CUBN: variants seen among roughly 807,000 people sequenced by gnomAD.
The protein encoded by CUBN is 460 kDa receptor.
A neutral mutation model predicts 405.3 loss-of-function variants in CUBN; 282 were observed. That is an observed-to-expected ratio of 0.70 (90% CI 0.63 to 0.77). The LOEUF (loss-of-function observed/expected upper bound fraction) is 0.77, where lower values mean the gene tolerates loss of function less well. CUBN is among the 30% of genes least tolerant of loss of function. The pLI, the probability that CUBN is intolerant of heterozygous loss-of-function variation, is 0.00. For synonymous variants in CUBN, 1,684 were observed against 1,617.0 expected (o/e 1.04, Z -0.99); for missense variants, 4,514 against 4,475.2 (o/e 1.01, Z -0.25).
intron 14 of CUBN, among the ~76,000 whole-genome samples, chr10:17,091,977 C>T (rs886085424): frequency 2.6e-5 from 4 of 152,182 alleles, no homozygotes; most frequent in Non-Finnish European, 5.9e-5. Context: ...TTTCACTTTA[C>T]TGTATGGACT....
At chr10:17,048,171 T>C (rs1288888522) in intron 22 of CUBN, among the ~76,000 whole-genome samples, 1 of 152,232 alleles carries the variant, frequency 6.6e-6, no homozygotes, top group African/African-American at 2.4e-5. Flanking sequence ...ATGAAGAGGA[T>C]TGCTACCTTT....
Position 17,075,073 on chromosome 10 carries a change from C to CTTTT in CUBN, c.2302-3106_2302-3103dup, listed in dbSNP as rs957929670. ...TAAAGAGAAGATTTTTCTTTGTTTTCTTTTTTTTTTTTTTTTTTTTTTTTT... is the reference window on the plus strand; with the variant it reads ...TAAAGAGAAGATTTTTCTTTGTTTTCTTTTTTTTTTTTTTTTTTTTTTTTTTTTT... On this transcript the variant is annotated intron_variant, in intron 17 of 66. Coordinates refer to ENST00000377833, the MANE Select transcript of CUBN (RefSeq NM_001081.4). 8.4e-4 allele frequency among the ~76,000 whole-genome samples: 55 copies of CTTTT among 65,328 alleles called. 4 individuals are homozygous for CTTTT. The highest frequency in any genetic ancestry group is 2.7e-3 in the African/African-American group (43 of 15,716). 42.9% of individuals were successfully genotyped at this position (65,328 alleles called of 152,430 possible).
At chr10:16,863,987 C>T (rs1461959077) in intron 59 of CUBN, among the ~76,000 whole-genome samples, 1 of 152,132 alleles carries the variant, frequency 6.6e-6, no homozygotes, top group African/African-American at 2.4e-5. Context: ...ATTCAATTTA[C>T]CTCCCTGTGT....
chr10:16,902,460 A>C (rs1475652665), intron 51 of CUBN, among the ~76,000 whole-genome samples: 1 of 150,940 alleles, frequency 6.6e-6, no homozygotes, highest in Non-Finnish European at 1.5e-5. Flanking sequence ...TTAGCATAGA[A>C]AATTGAAAAT....
intron 22 of CUBN, 38 bp from the exon 23 acceptor site, chr10:17,047,641 A>C: frequency 6.4e-7 from 1 of 1,557,122 alleles, no homozygotes; most frequent in Non-Finnish European, 8.9e-7. Context: ...GAAAATAGAA[A>C]ATATTGATAT....
chr10:16,942,945 G>A (rs2131612156), intron 36 of CUBN, among the ~76,000 whole-genome samples: 1 of 152,256 alleles, frequency 6.6e-6, no homozygotes, highest in East Asian at 1.9e-4. Context: ...TCTCTGTCAT[G>A]TGTATCTTTC....
chr10:17,101,110 C>T (rs547372729), intron 13 of CUBN, among the ~76,000 whole-genome samples: 48 of 152,162 alleles, frequency 3.2e-4, no homozygotes, highest in Middle Eastern at 6.8e-3. Context: ...TTTTTAAATT[C>T]TGTGCTAGGG....
At chr10:16,886,914 G>T (rs550201000) in intron 56 of CUBN, among the ~76,000 whole-genome samples, 1 of 152,056 alleles carries the variant, frequency 6.6e-6, no homozygotes, top group African/African-American at 2.4e-5. Flanking sequence ...TCAGCCTCCC[G>T]AGTAGCTGGG....
At chr10:16,869,105 G>C (rs1429497657) in intron 59 of CUBN, among the ~76,000 whole-genome samples, 1 of 150,156 alleles carries the variant, frequency 6.7e-6, no homozygotes, top group Non-Finnish European at 1.5e-5. Context: ...TCTATCATAA[G>C]CTTCTTCCTT....
chr10:17,122,466 C>A, intron 6 of CUBN: 1 of 404,054 alleles, frequency 2.5e-6, no homozygotes, highest in Non-Finnish European at 4.9e-6. Context: ...TCAGTGGCTC[C>A]CCTTCAATGC....
chr10:16,865,820 T>G (rs915785950), intron 59 of CUBN, among the ~76,000 whole-genome samples: 2 of 150,924 alleles, frequency 1.3e-5, no homozygotes, highest in Non-Finnish European at 2.9e-5. Flanking sequence ...GGAAGTTTTG[T>G]TTTTTTGCTC....
chr10:16,828,743 C>A, intron 66 of CUBN, 62 bp downstream of exon 66: 1 of 1,303,166 alleles, frequency 7.7e-7, no homozygotes, highest in Non-Finnish European at 1.1e-6. Flanking sequence ...AAAGTCTACA[C>A]TAAGTGACTC....
chr10:16,984,708 A>T (rs186859770), intron 29 of CUBN, among the ~76,000 whole-genome samples: 1 of 152,354 alleles, frequency 6.6e-6, no homozygotes, highest in East Asian at 1.9e-4. Flanking sequence ...ACTCTGGCAC[A>T]TATGATTAGT....
At chr10:16,928,532 C>CTTT (rs35335421) in intron 40 of CUBN, among the ~76,000 whole-genome samples, 41,297 of 106,954 alleles carry the variant, frequency 0.39, 10,247 homozygotes, top group East Asian at 0.52. Flanking sequence ...CCACCCCCCC[C>CTTT]TTTTTTTTTT....
At chr10:17,098,720 T>C (rs1333448322) in intron 14 of CUBN, among the ~76,000 whole-genome samples, 2 of 152,228 alleles carry the variant, frequency 1.3e-5, no homozygotes, top group South Asian at 4.1e-4. Flanking sequence ...TGAGTGAATT[T>C]AACAATGTAT....
chr10:16,954,391 T>G lies in CUBN; in HGVS notation c.4853A>C (p.Gln1618Pro), dbSNP rs1842994249. 1 of 1,614,122 alleles carries G rather than the reference T, an allele frequency of 6.2e-7. No individual in the cohort carries two copies. Among genetic ancestry groups the G allele is most frequent in the Admixed American group, 1.7e-5 (1 of 60,014 alleles). Reference protein sequence around the residue: ...QNRGFRAQFRQACGGHILTSS... With the variant: ...QNRGFRAQFRPACGGHILTSS... ...GGGAAGATCCACAGGGTACTTGCCT[T>G]GCCTGAATTGAGCTCGGAAGCCTCT... The change falls in exon 32 of 67, where the codon CAA (glutamine) becomes CCA (proline). Residue 1618 changes from glutamine (Q) to proline (P), a missense_variant and splice_region_variant. Physicochemically the swap from Gln to Pro is moderately conservative, Grantham distance 76. This residue lies in a region of CUBN where 1,613 missense variants were observed against 1,542.8 expected (regional missense o/e 1.05). Transcript: ENST00000377833.
At chr10:17,065,678 T>C in intron 21 of CUBN, 40 bp from the exon 22 acceptor site, 2 of 1,611,354 alleles carry the variant, frequency 1.2e-6, no homozygotes, top group Non-Finnish European at 1.7e-6. Flanking sequence ...TGTATTTTAG[T>C]TTGGTATACT....
intron 17 of CUBN, among the ~76,000 whole-genome samples, chr10:17,083,782 T>C (rs960059707): frequency 2.0e-5 from 3 of 152,164 alleles, no homozygotes; most frequent in South Asian, 2.1e-4. Context: ...ACACTTTAAT[T>C]TGTGGCTTGA....
chr10:17,114,104 A>G lies in CUBN; in HGVS notation c.806T>C (p.Phe269Ser), dbSNP rs758198492. The G allele has an allele frequency of 6.2e-7, 1 of 1,613,654 alleles. No homozygotes were observed. The highest frequency in any genetic ancestry group is 1.1e-5 in the South Asian group (1 of 90,844). Residue 269 changes from phenylalanine to serine, a missense_variant, in exon 8 of 67, where the codon TTC becomes TCC. Transcript: ENST00000377833. Reference sequence around the variant, plus strand: ...AAGTGTGGAGCAAGGCCCGGGCTGGAAGCTGCACTCGTCTCTGTCCAGCGT... The same window carrying G: ...AAGTGTGGAGCAAGGCCCGGGCTGGGAGCTGCACTCGTCTCTGTCCAGCGT... ...ACTLDRDECS[F>S]QPGPCSTLVQ... is the part of the protein sequence containing the mutation.
Sources: gnomAD v4.1 joint callset for allele counts (sites outside exome capture counted in the v4.1 genomes callset) on GRCh38, gnomAD v4.1.1 for gene constraint, gnomAD v4.1.1 regional missense constraint, MANE v1.5 for transcripts, NCBI Gene and HGNC (gene_info 2026-07-23, HGNC 2026-07-21) for gene names.